ABCB1: variants seen among roughly 807,000 people sequenced by gnomAD.
The protein encoded by ABCB1 is ATP binding cassette subfamily B member 1.
Under a neutral mutation model 142.0 loss-of-function variants are expected in ABCB1, and 69 were observed. The observed-to-expected ratio is 0.49, with a 90% CI of 0.40 to 0.59. The LOEUF is 0.59. Among genes scored for constraint, ABCB1 ranks in the 20% least tolerant of loss-of-function variants. The pLI is 0.00. For synonymous variants in ABCB1, 532 were observed against 539.2 expected, an observed-to-expected ratio of 0.99 and a Z score of 0.18; for missense variants, 1,326 against 1,554.7, an observed-to-expected ratio of 0.85 and a Z score of 2.47.
At chr7:87,535,955 TTTAAG>T (rs537396573) in intron 20 of ABCB1, among the ~76,000 whole-genome samples, 100 of 152,276 alleles carry the variant, frequency 6.6e-4, no homozygotes, top group African/African-American at 2.3e-3. Flanking sequence ...AGTAGCAAAA[TTTAAG>T]TTATTAAAAT....
chr7:87,548,678 C>A (rs1816912599), intron 14 of ABCB1, among the ~76,000 whole-genome samples: 1 of 152,152 alleles, frequency 6.6e-6, no homozygotes, highest in Non-Finnish European at 1.5e-5. Flanking sequence ...ATTCTCGGTC[C>A]TCACAGAATT....
At chr7:87,707,691 A>G (rs1829732665) in intron 1 of ABCB1, among the ~76,000 whole-genome samples, 1 of 151,896 alleles carries the variant, frequency 6.6e-6, no homozygotes, top group African/African-American at 2.4e-5. Context: ...AATAAAATAA[A>G]TAAATAAAAT....
At chr7:87,555,613 A>G (rs1817273747) in intron 8 of ABCB1, among the ~76,000 whole-genome samples, 2 of 152,348 alleles carry the variant, frequency 1.3e-5, no homozygotes, top group Middle Eastern at 6.8e-3. Flanking sequence ...TAGTGACAAC[A>G]TAGCAACACA....
At chr7:87,531,853 AG>A (rs1361832799) in intron 20 of ABCB1, among the ~76,000 whole-genome samples, 1 of 152,214 alleles carries the variant, frequency 6.6e-6, no homozygotes, top group African/African-American at 2.4e-5. Context: ...TTCCAATGTT[AG>A]GTATATTATT....
At chr7:87,710,141 TTAAA>T (rs1359684609) in intron 1 of ABCB1, among the ~76,000 whole-genome samples, 6 of 152,204 alleles carry the variant, frequency 3.9e-5, no homozygotes, top group African/African-American at 7.2e-5. Flanking sequence ...GAAAATTTTC[TTAAA>T]TAAGTGATGT....
At chr7:87,613,195 A>C (rs1270472664) in intron 1 of ABCB1, among the ~76,000 whole-genome samples, 1 of 150,640 alleles carries the variant, frequency 6.6e-6, no homozygotes, top group African/African-American at 2.4e-5. Context: ...TTCTAGGCAT[A>C]AGACCATATC....
intron 20 of ABCB1, among the ~76,000 whole-genome samples, chr7:87,535,347 T>TC (rs1397015502): frequency 6.6e-6 from 1 of 151,874 alleles, no homozygotes; most frequent in Non-Finnish European, 1.5e-5. Flanking sequence ...CATTTTTTTT[T>TC]TTTTTGAGAC....
At chr7:87,566,020 A>G in intron 7 of ABCB1, 50 bp downstream of exon 7, 1 of 1,594,192 alleles carries the variant, frequency 6.3e-7, no homozygotes, top group East Asian at 2.2e-5. Flanking sequence ...GGGTGAGAGC[A>G]GGAAGGGAGA....
chr7:87,667,160 T>C (rs1422247977), intron 1 of ABCB1, among the ~76,000 whole-genome samples: 2 of 152,126 alleles, frequency 1.3e-5, no homozygotes, highest in Non-Finnish European at 2.9e-5. Flanking sequence ...CTCTGATTTC[T>C]TTGAGCAGGG....
At chr7:87,682,408 T>A (rs1827015210) in intron 1 of ABCB1, among the ~76,000 whole-genome samples, 1 of 152,204 alleles carries the variant, frequency 6.6e-6, no homozygotes, top group Non-Finnish European at 1.5e-5. Context: ...CCCAGATCCA[T>A]CAGAAGACTC....
At chr7:87,514,931 G>C (rs1815163124) in intron 25 of ABCB1, among the ~76,000 whole-genome samples, 2 of 152,032 alleles carry the variant, frequency 1.3e-5, no homozygotes, top group Non-Finnish European at 1.5e-5. Context: ...GTATCTTTCT[G>C]GCTACTTCCA....
chr7:87,523,866 G>T (rs1815655362), intron 21 of ABCB1, among the ~76,000 whole-genome samples: 1 of 152,084 alleles, frequency 6.6e-6, no homozygotes, highest in Non-Finnish European at 1.5e-5. Context: ...GGTCTCTAAA[G>T]TCCCTTTTAA....
At chr7:87,668,028 C>T (rs554515549) in intron 1 of ABCB1, among the ~76,000 whole-genome samples, 12 of 151,520 alleles carry the variant, frequency 7.9e-5, no homozygotes, top group Non-Finnish European at 1.8e-4. Flanking sequence ...GTCCCTCTTC[C>T]TCATTTTTTT....
At chr7:87,606,331 T>C (rs1249161989) in intron 1 of ABCB1, among the ~76,000 whole-genome samples, 6 of 151,584 alleles carry the variant, frequency 4.0e-5, no homozygotes, top group African/African-American at 1.2e-4. Flanking sequence ...CAAGTAGGAG[T>C]TGAAAATTAT....
intron 1 of ABCB1, among the ~76,000 whole-genome samples, chr7:87,645,333 C>G (rs1391678786): frequency 6.6e-6 from 1 of 152,096 alleles, no homozygotes; most frequent in Non-Finnish European, 1.5e-5. Context: ...GTCCACCTGC[C>G]TCAGCCTCCC....
intron 1 of ABCB1, among the ~76,000 whole-genome samples, chr7:87,608,697 T>C (rs1470763560): frequency 6.6e-6 from 1 of 152,214 alleles, no homozygotes; most frequent in Non-Finnish European, 1.5e-5. Flanking sequence ...TCATAGACTT[T>C]GAACTTGTTT....
At chr7:87,661,844 G>A (rs577734187) in intron 1 of ABCB1, among the ~76,000 whole-genome samples, 3 of 152,044 alleles carry the variant, frequency 2.0e-5, no homozygotes, top group Admixed American at 6.6e-5. Flanking sequence ...CTCCATAGTG[G>A]CTGTACTAAT....
chr7:87,663,151 A>G (rs1824882409), intron 1 of ABCB1, among the ~76,000 whole-genome samples: 1 of 152,018 alleles, frequency 6.6e-6, no homozygotes, highest in African/African-American at 2.4e-5. Flanking sequence ...TGAATTCTTT[A>G]GGTTATCCAA....
At chr7:87,664,779 A>T (rs1825063306) in intron 1 of ABCB1, among the ~76,000 whole-genome samples, 6 of 152,174 alleles carry the variant, frequency 3.9e-5, no homozygotes, top group Admixed American at 3.9e-4. Context: ...TCTTAGAAGG[A>T]GAGGAGGAAG....
Sources: gnomAD v4.1 joint callset for allele counts (sites outside exome capture counted in the v4.1 genomes callset) on GRCh38, gnomAD v4.1.1 for gene constraint, MANE v1.5 for transcripts, NCBI Gene and HGNC (gene_info 2026-07-23, HGNC 2026-07-21) for gene names.